Variants in NRP2 observed in about 807,000 individuals in gnomAD.
The protein encoded by NRP2 is neuropilin-2.
In NRP2, 52 loss-of-function variants were observed where a neutral mutation model predicts 110.4. The ratio of observed to expected loss-of-function variants is 0.47; its 90% confidence interval spans 0.38 to 0.59. The LOEUF is 0.59. Among genes scored for constraint, NRP2 ranks in the 20% least tolerant of loss-of-function variants. The pLI is 0.00. For synonymous variants in NRP2, 508 were observed against 468.9 expected, an observed-to-expected ratio of 1.08 and a Z score of -1.08; for missense variants, 1,049 against 1,203.0, an observed-to-expected ratio of 0.87 and a Z score of 1.89.
chr2:205,776,582 C>A, intron 15 of NRP2: 1 of 1,599,530 alleles, frequency 6.3e-7, no homozygotes, highest in Non-Finnish European at 8.5e-7. Context: ...AACATGTTGC[C>A]TCGATTTTGC....
At chr2:205,687,916 A>G (rs1407649158) in intron 1 of NRP2, among the ~76,000 whole-genome samples, 1 of 152,214 alleles carries the variant, frequency 6.6e-6, no homozygotes, top group African/African-American at 2.4e-5. Context: ...GAGAGACACC[A>G]GGGACCAGAT....
At chr2:205,748,651 T>C (rs1373746344) in intron 10 of NRP2, among the ~76,000 whole-genome samples, 1 of 152,178 alleles carries the variant, frequency 6.6e-6, no homozygotes, top group Non-Finnish European at 1.5e-5. Context: ...GAAGGGTGCC[T>C]GACAAAGGCG....
intron 15 of NRP2, among the ~76,000 whole-genome samples, chr2:205,768,958 G>T (rs2057972999): frequency 6.6e-6 from 1 of 152,086 alleles, no homozygotes; most frequent in Non-Finnish European, 1.5e-5. Context: ...TAGTGCCATG[G>T]GTCTCTTCTT....
chr2:205,687,606 G>A (rs1470241560), intron 1 of NRP2, among the ~76,000 whole-genome samples: 1 of 152,202 alleles, frequency 6.6e-6, no homozygotes, highest in Admixed American at 6.5e-5. Flanking sequence ...GTGCACATCA[G>A]GTTTGGAGTT....
chr2:205,765,781 C>G (rs941838570), intron 14 of NRP2: 24 of 700,142 alleles, frequency 3.4e-5, no homozygotes, highest in Non-Finnish European at 6.4e-5. Flanking sequence ...GCTTATATCC[C>G]TGTTCCCAAT....
At position 205,682,922 on chromosome 2, in the gene NRP2, A is replaced by C. The variant is rs1222350601; in HGVS notation, c.-369A>C. On this transcript the variant is annotated 5_prime_UTR_variant, in exon 1 of 17. Coordinates refer to ENST00000357785, the MANE Select transcript of NRP2 (RefSeq NM_003872.3). The surrounding 1 kb of genome is among the most constrained non-coding windows in gnomAD (Gnocchi z 4.3). ...ATGCCCAAGGCAAGTCTTGGTTTTA[A>C]TTATTATTATTATCATTATTGTTAC... 3.1e-5 allele frequency: 7 copies of C among 227,704 alleles called. No individual in the cohort carries two copies. The highest frequency in any genetic ancestry group is 6.1e-5 in the Non-Finnish European group (7 of 114,174). 14.1% of individuals were successfully genotyped at this position (227,704 alleles called of 1,614,324 possible).
intron 10 of NRP2, among the ~76,000 whole-genome samples, chr2:205,747,061 G>A (rs771367281): frequency 3.3e-5 from 5 of 152,108 alleles, no homozygotes; most frequent in South Asian, 2.1e-4. Flanking sequence ...ACCTCCCCCC[G>A]ATACAAGCTG....
At chr2:205,705,990 T>C (rs1275566266) in intron 2 of NRP2, among the ~76,000 whole-genome samples, 1 of 152,022 alleles carries the variant, frequency 6.6e-6, no homozygotes, top group Non-Finnish European at 1.5e-5. Flanking sequence ...TCTTTCTGTG[T>C]CTTTAAATAC....
chr2:205,736,303 C>T (rs1310305738), intron 7 of NRP2, among the ~76,000 whole-genome samples: 7 of 152,156 alleles, frequency 4.6e-5, no homozygotes, highest in Non-Finnish European at 7.3e-5. Context: ...GATTGTGCCA[C>T]TGCACTCCAG....
At chr2:205,786,530 T>C (rs1282161755) in intron 15 of NRP2, among the ~76,000 whole-genome samples, 2 of 152,210 alleles carry the variant, frequency 1.3e-5, no homozygotes, top group African/African-American at 2.4e-5. Flanking sequence ...AATGACTTAT[T>C]GCACTTCTCT....
At chr2:205,746,226 A>G (rs2057536742) in intron 10 of NRP2, among the ~76,000 whole-genome samples, 1 of 152,222 alleles carries the variant, frequency 6.6e-6, no homozygotes, top group African/African-American at 2.4e-5. Flanking sequence ...TTTAGGGAAG[A>G]AAAAAACCCC....
intron 10 of NRP2, among the ~76,000 whole-genome samples, chr2:205,749,452 C>T (rs1219163972): frequency 6.6e-6 from 1 of 152,136 alleles, no homozygotes; most frequent in African/African-American, 2.4e-5. Flanking sequence ...GTCTCGTGGC[C>T]TTTTGTGCTA....
rs933173452 is a variant in NRP2 at position 205,745,730 on chromosome 2, G to A, written c.1642-16G>A. On this transcript the variant is annotated splice_polypyrimidine_tract_variant and intron_variant, in intron 9 of 16. Coordinates refer to ENST00000357785, the MANE Select transcript of NRP2 (RefSeq NM_003872.3). ...GGTCCCACACCAGAAGGGCTGAGTG[G>A]CCTCTCTCCCTGCAGCTGTTCGAAG... is the stretch of plus-strand genomic sequence containing the variant. 3 of 1,614,022 alleles carry A rather than the reference G, an allele frequency of 1.9e-6. No homozygotes were observed. Among genetic ancestry groups the A allele is most frequent in the Non-Finnish European group, 2.5e-6 (3 of 1,179,928 alleles).
Position 205,745,830 on chromosome 2 carries a change from G to T in NRP2, c.1726G>T (p.Glu576Ter). ...GGCACAGTATGTGCGGGTATACCCG[G>T]AGAGGTGGTCGCCGGCGGGGATTGG... ...IPAQYVRVYP[E>*]RWSPAGIGMR... Residue 576 changes from glutamate to a stop codon, truncating the protein, a stop_gained, in exon 10 of 17, where the codon GAG (glutamate) becomes TAG (stop). Transcript: ENST00000357785. LOFTEE classifies it high-confidence loss of function. The T allele has an allele frequency of 6.2e-7, 1 of 1,614,244 alleles. No homozygotes were observed.
intron 15 of NRP2, among the ~76,000 whole-genome samples, chr2:205,781,445 C>T (rs938457440): frequency 2.0e-5 from 3 of 152,266 alleles, no homozygotes; most frequent in Non-Finnish European, 4.4e-5. Flanking sequence ...TCTTCACCCA[C>T]TGCCCCCCTA....
intron 1 of NRP2, among the ~76,000 whole-genome samples, chr2:205,689,041 C>T (rs1323027956): frequency 3.3e-5 from 5 of 152,160 alleles, no homozygotes; most frequent in African/African-American, 1.2e-4. Context: ...TAAGTGCTTC[C>T]AGCCCACTCA....
chr2:205,698,737 A>C lies in NRP2; in HGVS notation c.251+1016A>C, dbSNP rs140469495. On this transcript the variant is annotated intron_variant, in intron 2 of 16. Transcript: ENST00000357785. ...TGCCAACAGTCATATTCTGCCCCAA[A>C]TGAGCGCCTACGGAATGCTGTTACT... Among the ~76,000 whole-genome samples the C allele has an allele frequency of 2.0e-4, 30 of 152,364 alleles. 1 individual carries two copies. The highest frequency in any genetic ancestry group is 6.8e-3 in the Middle Eastern group (2 of 294).
chr2:205,776,832 C>G, intron 15 of NRP2: 1 of 1,298,444 alleles, frequency 7.7e-7, no homozygotes, highest in Admixed American at 3.2e-5. Flanking sequence ...TGGTTTTGTT[C>G]CAGAGACTGG....
At chr2:205,766,924 G>C (rs1559357923) in intron 15 of NRP2, 121 bp downstream of exon 15, 2 of 862,058 alleles carry the variant, frequency 2.3e-6, no homozygotes, top group Non-Finnish European at 3.8e-6. Flanking sequence ...AGAGAAAAGA[G>C]ACGCCACACC....
Sources: allele counts gnomAD v4.1 joint callset (sites outside exome capture counted in the v4.1 genomes callset), GRCh38; gene constraint gnomAD v4.1.1; non-coding constraint Gnocchi (gnomAD v3.1); transcripts MANE v1.5; gene names NCBI Gene and HGNC (gene_info 2026-07-23, HGNC 2026-07-21).